The following C16orf46 variants were observed in gnomAD, a reference collection of about 807,000 sequenced individuals.
C16orf46 encodes uncharacterized protein C16orf46.
A neutral mutation model predicts 5.5 loss-of-function variants in C16orf46; 7 were observed. The ratio of observed to expected loss-of-function variants is 1.28; its 90% CI spans 0.73 to 2.40. The LOEUF is 2.40. C16orf46 is among the 30% of genes most tolerant of loss of function. The probability of loss-of-function intolerance (pLI) is 0.00; values close to 1 mark genes in which losing one functional copy is unlikely to be tolerated. For synonymous variants in C16orf46, 200 were observed against 184.1 expected, an observed-to-expected ratio of 1.09 and a Z score of -0.70; for missense variants, 614 against 476.0, an observed-to-expected ratio of 1.29 and a Z score of -2.70.
At chr16:81,068,336 A>T (rs1436690419) in intron 1 of C16orf46, among the ~76,000 whole-genome samples, 1 of 152,214 alleles carries the variant, frequency 6.6e-6, no homozygotes, top group East Asian at 1.9e-4. Flanking sequence ...GTTGTATAAA[A>T]GTTAAAATTG....
Position 81,061,192 on chromosome 16 carries a change from A to G in C16orf46, c.1157T>C (p.Ile386Thr), listed in dbSNP as rs376400109. Residue 386 changes from isoleucine (I) to threonine (T), a missense_variant, in exon 4 of 4, where the codon ATC becomes ACC. Ile to Thr is a moderately conservative substitution (Grantham distance 89). Transcript: ENST00000299578. ...VLPSLTVSRV[I>T]IPVSTHRIL ...GATCCTGTGGGTAGAGACAGGAATG[A>G]TAACTCTGCTCACTGTGAGAGACGG... 1.9e-4 allele frequency: 299 copies of G among 1,613,322 alleles called. 1 individual carries two copies. In the South Asian group the frequency reaches 2.6e-3, roughly 14 times the overall value.
intron 1 of C16orf46, among the ~76,000 whole-genome samples, chr16:81,068,860 C>G (rs1449856283): frequency 1.3e-5 from 2 of 151,850 alleles, no homozygotes; most frequent in Admixed American, 6.6e-5. Context: ...TGCCACCACG[C>G]CCGGCTAATT....
intron 1 of C16orf46, among the ~76,000 whole-genome samples, chr16:81,066,525 G>A (rs1971661375): frequency 6.6e-6 from 1 of 152,100 alleles, no homozygotes; most frequent in Admixed American, 6.6e-5. Flanking sequence ...TAACTGTCGA[G>A]TTTTATTACC....
Position 81,061,007 on chromosome 16 carries a change from A to G in C16orf46, c.*154T>C, listed in dbSNP as rs1366350548. The G allele has an allele frequency of 5.0e-6, 7 of 1,399,558 alleles. No homozygotes were observed. The East Asian group carries it at 1.8e-4, about 35-fold the overall frequency. The allele number at this position is 1,399,558 out of a possible 1,614,324, so 86.7% of individuals were successfully genotyped here. On this transcript the variant is annotated 3_prime_UTR_variant, in exon 4 of 4. Coordinates refer to ENST00000299578, the MANE Select transcript of C16orf46 (RefSeq NM_152337.3). ...AGGTTCAGTTTTCTTCAGTTGTACT[A>G]CAAAAAAAAAATGGAGGAAAAGAAG... is the stretch of plus-strand genomic sequence containing the variant.
At position 81,061,704 on chromosome 16, in the gene C16orf46, C is replaced by G. The variant is rs1567573611; in HGVS notation, c.645G>C (p.Lys215Asn). The G allele has an allele frequency of 6.2e-7, 1 of 1,614,132 alleles. No homozygotes were observed. The highest frequency in any genetic ancestry group is 1.1e-5 in the South Asian group (1 of 91,092). Residue 215 changes from lysine (K) to asparagine (N), a missense_variant, in exon 4 of 4, where the codon AAG (lysine) becomes AAC (asparagine). Coordinates refer to ENST00000299578, the MANE Select transcript of C16orf46 (RefSeq NM_152337.3). Reference sequence around the variant, plus strand: ...CATCCAAAGCATTTGAAAGTGAAGCCTTCAGGGGAGGCAGAACTAGGAGGG... The same window carrying G: ...CATCCAAAGCATTTGAAAGTGAAGCGTTCAGGGGAGGCAGAACTAGGAGGG... ...SRALLVLPPL[K>N]ASLSNALDVL... is the part of the protein sequence containing the mutation.
At position 81,062,107 on chromosome 16, in the gene C16orf46, G is replaced by A; in HGVS notation, c.242C>T (p.Ala81Val). The A allele has an allele frequency of 1.9e-6, 3 of 1,600,772 alleles. No homozygotes were observed. The highest frequency in any genetic ancestry group is 1.7e-6 in the Non-Finnish European group (2 of 1,177,826). ...TGGTATCTTCCTCGGCCAGATGCAG[G>A]CAGCTGGAGAAGTCCTTCCCCACCC... ...VQGWGRTSPA[A>V]CIWPRKIPKK... The change falls in exon 4 of 4, where the codon GCC becomes GTC. Residue 81 changes from alanine (A) to valine (V), a missense_variant. Ala to Val is a moderately conservative substitution (Grantham distance 64). Transcript: ENST00000299578.
intron 2 of C16orf46, among the ~76,000 whole-genome samples, chr16:81,065,345 A>G (rs1223810935): frequency 2.0e-5 from 3 of 151,922 alleles, no homozygotes; most frequent in African/African-American, 7.3e-5. Context: ...GTGGTGGTGC[A>G]CACCTGTAGT....
At chr16:81,059,253 G>A (rs146645160), downstream of C16orf46, among the ~76,000 whole-genome samples, 6 of 146,538 alleles carry the variant, frequency 4.1e-5, no homozygotes, top group African/African-American at 7.6e-5. Flanking sequence ...CCCAGGAGGC[G>A]GAGGTTACAG....
rs1298062774 is a variant in C16orf46 at position 81,063,850 on chromosome 16, T to A, written c.106A>T (p.Ser36Cys). 1 of 1,613,908 alleles carries A rather than the reference T, an allele frequency of 6.2e-7. No homozygotes were observed. The highest frequency in any genetic ancestry group is 8.5e-7 in the Non-Finnish European group (1 of 1,179,852). Residue 36 changes from serine (S) to cysteine (C), a missense_variant, in exon 3 of 4, where the codon AGT becomes TGT. Physicochemically the swap from Ser to Cys is moderately radical, Grantham distance 112. Coordinates refer to ENST00000299578, the MANE Select transcript of C16orf46 (RefSeq NM_152337.3). ...AGACAATAAACATGATTTTTTTCAC[T>A]TTTTCCATCTGGACAAGTATAGGTT... is the stretch of plus-strand genomic sequence containing the variant. Reference protein sequence around the residue: ...EPTYTCPDGKSEKNHVYCLLD... With the variant: ...EPTYTCPDGKCEKNHVYCLLD...
intron 1 of C16orf46, among the ~76,000 whole-genome samples, chr16:81,075,175 A>T (rs1313768219): frequency 2.6e-5 from 4 of 152,178 alleles, no homozygotes; most frequent in Non-Finnish European, 4.4e-5. Context: ...TTCTACAGGA[A>T]TCCAGATCCA....
chr16:81,076,545 A>C (rs1302610743), intron 1 of C16orf46: 1 of 152,160 alleles, frequency 6.6e-6, no homozygotes, highest in East Asian at 1.9e-4. Context: ...TTTTCAACTC[A>C]CATTAATGAA....
chr16:81,064,233 G>A (rs183349859), intron 2 of C16orf46, among the ~76,000 whole-genome samples: 23 of 151,694 alleles, frequency 1.5e-4, no homozygotes, highest in South Asian at 4.2e-4. Flanking sequence ...AAAATAAGGC[G>A]GGCACCTGTA....
At chr16:81,067,156 C>T (rs1380571049) in intron 1 of C16orf46, among the ~76,000 whole-genome samples, 1 of 152,124 alleles carries the variant, frequency 6.6e-6, no homozygotes, top group Non-Finnish European at 1.5e-5. Flanking sequence ...AAAATATAGC[C>T]TATGGAAATT....
intron 2 of C16orf46, among the ~76,000 whole-genome samples, 161 bp downstream of exon 2, chr16:81,066,030 CGT>C (rs781459390): frequency 6.6e-5 from 10 of 151,806 alleles, no homozygotes; most frequent in Non-Finnish European, 1.0e-4. Flanking sequence ...GGATTACGGG[CGT>C]GAGTCACCGT....
intron 1 of C16orf46, among the ~76,000 whole-genome samples, chr16:81,071,678 G>C (rs540462976): frequency 6.6e-6 from 1 of 152,168 alleles, no homozygotes; most frequent in South Asian, 2.1e-4. Context: ...CCCGGAGGGA[G>C]ATCTTGTCTC....
intron 1 of C16orf46, chr16:81,069,998 C>T (rs1971792987): frequency 2.0e-5 from 3 of 151,988 alleles, no homozygotes; most frequent in South Asian, 2.1e-4. Flanking sequence ...TGGTGATGGC[C>T]GCCTACAATC....
At position 81,067,926 on chromosome 16, in the gene C16orf46, G is replaced by A. The variant is rs11859373; in HGVS notation, c.-127-1645C>T. Among the ~76,000 whole-genome samples the A allele has an allele frequency of 2.4e-3, 371 of 152,268 alleles. 8 individuals are homozygous for A. The highest frequency in any genetic ancestry group is 8.4e-3 in the African/African-American group (348 of 41,558). On this transcript the variant is annotated intron_variant, in intron 1 of 3. Transcript: ENST00000299578. ...AAAAAACACACAGATCTACAAAAAA[G>A]ATATAACATCAGATAACAAGTTTTA...
rs143442422 is a variant in C16orf46, at chr16:81,064,436, G to A, written c.-38-443C>T. On this transcript the variant is annotated intron_variant, in intron 2 of 3. Coordinates refer to ENST00000299578, the MANE Select transcript of C16orf46 (RefSeq NM_152337.3). ...AACAAATATTACGCAACTATCCACT[G>A]CCAACCACTGGCACTATGAAAGATA... Among the ~76,000 whole-genome samples, 31 of 151,926 alleles carry A rather than the reference G, an allele frequency of 2.0e-4. 1 individual carries two copies. In the East Asian group the frequency reaches 5.8e-3, roughly 28 times the overall value.
downstream of C16orf46, among the ~76,000 whole-genome samples, chr16:81,059,365 T>C (rs190381416): frequency 1.1e-3 from 163 of 144,372 alleles, no homozygotes; most frequent in Admixed American, 7.8e-3. Flanking sequence ...AGACAAGACA[T>C]TACAAAGACC....
Sources: gnomAD v4.1 joint callset for allele counts (sites outside exome capture counted in the v4.1 genomes callset) on GRCh38, gnomAD v4.1.1 for gene constraint, MANE v1.5 for transcripts, NCBI Gene and HGNC (gene_info 2026-07-23, HGNC 2026-07-21) for gene names.